The following ALPK1 variants were observed in gnomAD, a reference collection of about 807,000 sequenced individuals.
ALPK1 encodes alpha-protein kinase 1.
ALPK1 carries 110 observed loss-of-function variants against 120.6 expected under a neutral mutation model. The observed-to-expected ratio is 0.91, with a 90% confidence interval of 0.78 to 1.07. The LOEUF (loss-of-function observed/expected upper bound fraction) is 1.07. Among genes scored for constraint, ALPK1 ranks in the 50% least tolerant of loss-of-function variants. The probability of loss-of-function intolerance (pLI) is 0.00; values close to 1 mark genes in which losing one functional copy is unlikely to be tolerated. For synonymous variants in ALPK1, 582 were observed against 560.3 expected (o/e 1.04, Z -0.55); for missense variants, 1,498 against 1,483.9 (o/e 1.01, Z -0.16).
chr4:112,316,362 A>G (rs1385581397), intron 2 of ALPK1: 2 of 152,190 alleles, frequency 1.3e-5, no homozygotes, highest in African/African-American at 4.8e-5. Context: ...TTCCTTTTTA[A>G]GGTGGAATAA....
At chr4:112,310,650 G>A (rs73843068) in intron 1 of ALPK1, among the ~76,000 whole-genome samples, 12,912 of 152,114 alleles carry the variant, frequency 0.085, 870 homozygotes, top group Admixed American at 0.21. Context: ...CCTTGTGTTA[G>A]TATCAGCTTT....
chr4:112,356,938 T>G, intron 2 of ALPK1: 1 of 760,330 alleles, frequency 1.3e-6, no homozygotes, highest in Non-Finnish European at 2.4e-6. Context: ...TGACCCCCCA[T>G]GACCCGAGTT....
chr4:112,311,097 A>G (rs1728383290), intron 1 of ALPK1, among the ~76,000 whole-genome samples: 1 of 152,202 alleles, frequency 6.6e-6, no homozygotes, highest in African/African-American at 2.4e-5. Flanking sequence ...CAACGAATAC[A>G]AAAAAGCGCT....
intron 2 of ALPK1, among the ~76,000 whole-genome samples, chr4:112,322,132 G>A (rs530217128): frequency 9.2e-5 from 14 of 152,170 alleles, no homozygotes; most frequent in East Asian, 7.7e-4. Flanking sequence ...TGGGCCAGAA[G>A]CTTTGACATA....
intron 5 of ALPK1, chr4:112,415,073 G>A (rs948888229): frequency 2.0e-5 from 3 of 152,174 alleles, no homozygotes; most frequent in Non-Finnish European, 2.9e-5. Context: ...CTTGCTCTCC[G>A]CCCAAGCTCT....
chr4:112,431,795 T>G lies in ALPK1; in HGVS notation c.2248T>G (p.Phe750Val), dbSNP rs778738649. 1.2e-6 allele frequency: 2 copies of G among 1,614,048 alleles called. No individual in the cohort carries two copies. The highest frequency in any genetic ancestry group is 1.7e-6 in the Non-Finnish European group (2 of 1,180,008). Residue 750 changes from phenylalanine to valine, a missense_variant, in exon 11 of 16, where the codon TTT becomes GTT. Physicochemically the swap from Phe to Val is conservative, Grantham distance 50. Transcript: ENST00000650871. ...AGAAGCCTTTGAAATAATTGTTGAG[T>G]TTCCAGAAACCAACTGCGATGTCAA... ...KEEAFEIIVE[F>V]PETNCDVKDR...
intron 5 of ALPK1, chr4:112,414,774 A>G (rs1733662239): frequency 1.3e-5 from 2 of 155,272 alleles, no homozygotes; most frequent in Non-Finnish European, 2.9e-5. Context: ...TTACACATAC[A>G]TAAATATGGT....
chr4:112,298,069 AAAATCCTTT>A (rs1727622357), intron 1 of ALPK1, among the ~76,000 whole-genome samples: 1 of 152,190 alleles, frequency 6.6e-6, no homozygotes, highest in South Asian at 2.1e-4. Flanking sequence ...TCTATTTAGA[AAAATCCTTT>A]AATTAAAAAA....
chr4:112,371,306 G>T (rs1731393238), intron 2 of ALPK1, among the ~76,000 whole-genome samples: 1 of 152,084 alleles, frequency 6.6e-6, no homozygotes, highest in African/African-American at 2.4e-5. Context: ...TCTGACCCTG[G>T]TCCTCCTGCT....
In ALPK1 at chr4:112,441,356, G is replaced by C; in HGVS notation, c.*146G>C. On this transcript the variant is annotated 3_prime_UTR_variant, in exon 16 of 16. Coordinates refer to ENST00000650871, the MANE Select transcript of ALPK1 (RefSeq NM_025144.4). ...GATCCTGCAGAGCCTCTTTCCCTCT[G>C]CCACAGTTATCAAGAATGGGTCAGG... 1 of 749,144 alleles carries C rather than the reference G, an allele frequency of 1.3e-6. No homozygotes were observed. The highest frequency in any genetic ancestry group is 2.4e-6 in the Non-Finnish European group (1 of 410,694). The allele number at this position is 749,144 out of a possible 1,614,324, so 46.4% of individuals were successfully genotyped here. A position where few individuals can be genotyped will look rare whatever the true frequency, so the allele number is the denominator to read the frequency against.
At chr4:112,321,888 T>C (rs1023526866) in intron 2 of ALPK1, among the ~76,000 whole-genome samples, 2 of 152,256 alleles carry the variant, frequency 1.3e-5, no homozygotes, top group African/African-American at 4.8e-5. Context: ...TTCTGTTGTG[T>C]AGAGTGTCAC....
At chr4:112,382,275 G>A (rs1731949722) in intron 3 of ALPK1, 123 bp from the exon 4 acceptor site, 1 of 1,173,244 alleles carries the variant, frequency 8.5e-7, no homozygotes, top group South Asian at 1.7e-5. Flanking sequence ...AAGAGGCAGG[G>A]AAAAGGTTTT....
At chr4:112,351,024 C>T (rs920192885) in intron 2 of ALPK1, among the ~76,000 whole-genome samples, 1 of 152,162 alleles carries the variant, frequency 6.6e-6, no homozygotes, top group Non-Finnish European at 1.5e-5. Context: ...AGATGGCAGG[C>T]TTGACTCACC....
At chr4:112,306,586 G>A (rs1443450506) in intron 1 of ALPK1, among the ~76,000 whole-genome samples, 12 of 149,132 alleles carry the variant, frequency 8.0e-5, no homozygotes, top group Admixed American at 2.7e-4. Flanking sequence ...CTGTGGGATC[G>A]GTGGTGATAT....
Position 112,429,199 on chromosome 4 carries a change from C to A in ALPK1, c.846C>A (p.Cys282Ter), listed in dbSNP as rs1364255960. The A allele has an allele frequency of 1.2e-6, 2 of 1,613,194 alleles. No individual in the cohort carries two copies. The highest frequency in any genetic ancestry group is 1.7e-6 in the Non-Finnish European group (2 of 1,179,966). ...DHHLLSAAEA[C>*]KLAAAFSAYT... is the part of the protein sequence containing the mutation. ...ATTTGCTGTCCGCTGCAGAAGCCTG[C>A]AAGCTGGCAGCTGCCTTCAGTGCCT... The change falls in exon 10 of 16, where the codon TGC becomes TGA. Residue 282 changes from cysteine to a stop codon, truncating the protein, a stop_gained. Transcript: ENST00000650871. LOFTEE classifies it high-confidence loss of function.
intron 4 of ALPK1, among the ~76,000 whole-genome samples, chr4:112,406,019 A>G (rs1320698083): frequency 6.6e-6 from 1 of 151,136 alleles, no homozygotes; most frequent in East Asian, 1.9e-4. Context: ...GAACCTGTGC[A>G]CTCTTGGTGG....
chr4:112,326,923 T>C (rs1289706206), intron 2 of ALPK1, among the ~76,000 whole-genome samples: 4 of 152,210 alleles, frequency 2.6e-5, no homozygotes, highest in Admixed American at 6.5e-5. Context: ...ACTTCTGGAA[T>C]GCTGCTGGAC....
rs528172922 is a variant in ALPK1 at position 112,372,937 on chromosome 4, GT to G, written c.-100-4737del. 7.1e-3 allele frequency among the ~76,000 whole-genome samples: 1,075 copies of G among 152,172 alleles called. 8 individuals are homozygous for G. Among genetic ancestry groups the G allele is most frequent in the Admixed American group, 0.012 (185 of 15,290 alleles). On this transcript the variant is annotated intron_variant, in intron 2 of 15. Transcript: ENST00000650871. ...GCTACTAAAATTATATGATATTGTG[GT>G]TTTATTTCTTTGTGCACGAGCTCTT...
intron 2 of ALPK1, among the ~76,000 whole-genome samples, chr4:112,329,827 G>A (rs1422417371): frequency 6.6e-6 from 1 of 152,124 alleles, no homozygotes; most frequent in Non-Finnish European, 1.5e-5. Flanking sequence ...GGGTGGGAGG[G>A]GTATAGGCCT....
Sources: gnomAD v4.1 joint callset for allele counts (sites outside exome capture counted in the v4.1 genomes callset) on GRCh38, gnomAD v4.1.1 for gene constraint, MANE v1.5 for transcripts, NCBI Gene and HGNC (gene_info 2026-07-23, HGNC 2026-07-21) for gene names.